DMD: variants seen among roughly 807,000 people sequenced by gnomAD.
DMD encodes the protein mutant dystrophin.
In DMD, 63 loss-of-function variants were observed where a neutral mutation model predicts 330.1. The observed-to-expected ratio is 0.19, with a 90% CI of 0.16 to 0.24. The LOEUF (loss-of-function observed/expected upper bound fraction) is 0.24. Among genes scored for constraint, DMD ranks in the 10% least tolerant of loss-of-function variants. DMD has a pLI of 1.00. For synonymous variants in DMD, 1,223 were observed against 959.8 expected (o/e 1.27, Z -5.07); for missense variants, 3,344 against 2,684.1 (o/e 1.25, Z -5.43).
chrX:32,964,255 C>CAAAAAAAAAAAAAAAAAAAAAAAAAA lies in DMD; in HGVS notation c.93+55883_93+55884insTTTTTTTTTTTTTTTTTTTTTTTTTT, dbSNP rs781702491. On this transcript the variant is annotated intron_variant, in intron 2 of 78. Coordinates refer to ENST00000357033, the MANE Select transcript of DMD (RefSeq NM_004006.3). ...CTGGTGACAGAGCAAGACTCCATCT[C>CAAAAAAAAAAAAAAAAAAAAAAAAAA]AAAAAAAAAAAAAAAAAAAATTCAC... Among the ~76,000 whole-genome samples, 9 of 35,190 alleles carry CAAAAAAAAAAAAAAAAAAAAAAAAAA rather than the reference C, an allele frequency of 2.6e-4. 1 individual carries two copies. Among genetic ancestry groups the CAAAAAAAAAAAAAAAAAAAAAAAAAA allele is most frequent in the African/African-American group, 8.0e-4 (7 of 8,793 alleles). The allele number at this position is 35,190 out of a possible 115,157, so 30.6% of individuals were successfully genotyped here. A position where few individuals can be genotyped will look rare whatever the true frequency, so the allele number is the denominator to read the frequency against.
chrX:31,570,238 A>G (rs1348423628), intron 55 of DMD, among the ~76,000 whole-genome samples: 1 of 111,588 alleles, frequency 9.0e-6, no homozygotes, highest in African/African-American at 3.2e-5. Flanking sequence ...TATTTTCCCT[A>G]TTAGAAGAAG....
intron 1 of DMD, among the ~76,000 whole-genome samples, chrX:33,241,614 G>A (rs1329768590): frequency 8.9e-6 from 1 of 112,382 alleles, no homozygotes; most frequent in Non-Finnish European, 1.9e-5. Context: ...AAAGCTTTGG[G>A]TAGTGTAGGA....
intron 59 of DMD, among the ~76,000 whole-genome samples, chrX:31,447,201 C>CT (rs201350644): frequency 2.6e-4 from 25 of 97,326 alleles, no homozygotes; most frequent in Middle Eastern, 5.8e-3. Flanking sequence ...CCCTTTTCCT[C>CT]TTTTTTTTTC....
chrX:33,041,409 C>T, intron 1 of DMD: 3 of 1,196,278 alleles, frequency 2.5e-6, no homozygotes, highest in Non-Finnish European at 3.4e-6. Context: ...CCGATCCTCG[C>T]GTGAGACAGA....
At chrX:31,226,257 C>A (rs1374120586) in intron 63 of DMD, among the ~76,000 whole-genome samples, 1 of 111,977 alleles carries the variant, frequency 8.9e-6, no homozygotes, top group South Asian at 3.8e-4. Flanking sequence ...TGTTAAACTT[C>A]AAGTATAAAT....
At chrX:32,737,715 G>A (rs953930973) in intron 7 of DMD, among the ~76,000 whole-genome samples, 4 of 111,676 alleles carry the variant, frequency 3.6e-5, no homozygotes, top group Middle Eastern at 4.6e-3. Context: ...GTATAGGCCA[G>A]GCCCACAGCT....
At chrX:31,821,353 G>A (rs1278089205) in intron 49 of DMD, among the ~76,000 whole-genome samples, 1 of 112,353 alleles carries the variant, frequency 8.9e-6, no homozygotes, top group African/African-American at 3.2e-5. Flanking sequence ...GATGCTGATT[G>A]TTCATGACAA....
At chrX:31,134,795 TAATG>T (rs1039590002) in intron 76 of DMD, among the ~76,000 whole-genome samples, 1 of 112,511 alleles carries the variant, frequency 8.9e-6, no homozygotes, top group African/African-American at 3.2e-5. Flanking sequence ...ATACATGAGA[TAATG>T]AATACTCTAA....
intron 61 of DMD, among the ~76,000 whole-genome samples, chrX:31,346,796 C>T (rs1045360836): frequency 9.2e-6 from 1 of 108,177 alleles, no homozygotes; most frequent in Non-Finnish European, 1.9e-5. Flanking sequence ...GTCAGGAGCT[C>T]GAGACCAGCC....
At chrX:32,667,767 G>GT (rs201162726) in intron 9 of DMD, among the ~76,000 whole-genome samples, 1,641 of 81,627 alleles carry the variant, frequency 0.02, 14 homozygotes, top group East Asian at 0.046. Context: ...CTGCTTTTGT[G>GT]TTTTTTTTTT....
At chrX:32,217,652 C>T (rs1418043985) in intron 43 of DMD, among the ~76,000 whole-genome samples, 1 of 109,711 alleles carries the variant, frequency 9.1e-6, no homozygotes, top group Non-Finnish European at 1.9e-5. Flanking sequence ...AATTTTCTCA[C>T]CACAGAGAAA....
At chrX:32,837,179 CAG>C (rs969055922) in intron 4 of DMD, among the ~76,000 whole-genome samples, 1 of 112,021 alleles carries the variant, frequency 8.9e-6, no homozygotes, top group African/African-American at 3.2e-5. Context: ...AGAAACAAAA[CAG>C]AACTAGATAC....
At chrX:31,487,572 C>G (rs1014695478) in intron 57 of DMD, among the ~76,000 whole-genome samples, 12 of 111,999 alleles carry the variant, frequency 1.1e-4, no homozygotes, top group African/African-American at 3.9e-4. Context: ...CAGCAGACCT[C>G]TAGAACTTTT....
At chrX:32,354,858 A>AATCT (rs2097793584) in intron 37 of DMD, among the ~76,000 whole-genome samples, 1 of 111,442 alleles carries the variant, frequency 9.0e-6, no homozygotes, top group Admixed American at 9.6e-5. Context: ...GTGGGTCAAG[A>AATCT]ATCTGCTTCC....
At chrX:31,538,419 T>C (rs1026049407) in intron 55 of DMD, among the ~76,000 whole-genome samples, 17 of 112,336 alleles carry the variant, frequency 1.5e-4, no homozygotes, top group Admixed American at 1.2e-3. Flanking sequence ...TCAAAGAAGA[T>C]AGAGATCAAA....
intron 50 of DMD, among the ~76,000 whole-genome samples, chrX:31,812,591 A>G (rs2092495515): frequency 9.0e-6 from 1 of 111,532 alleles, no homozygotes; most frequent in Non-Finnish European, 1.9e-5. Flanking sequence ...GCAAAAATAA[A>G]TAAATAAATA....
At chrX:31,262,854 T>G (rs1457266929) in intron 62 of DMD, among the ~76,000 whole-genome samples, 1 of 112,741 alleles carries the variant, frequency 8.9e-6, no homozygotes, top group Non-Finnish European at 1.9e-5. Context: ...GAAAAAGTGT[T>G]GCTTGTTCTC....
intron 52 of DMD, 50 bp from the exon 53 acceptor site, chrX:31,679,636 G>A (rs1344207400): frequency 3.8e-6 from 4 of 1,051,293 alleles, no homozygotes; most frequent in Admixed American, 2.2e-5. Flanking sequence ...TAGTCTGGAG[G>A]AGACATTTTA....
At chrX:31,910,005 C>T (rs762428813) in intron 47 of DMD, among the ~76,000 whole-genome samples, 7 of 112,142 alleles carry the variant, frequency 6.2e-5, no homozygotes, top group African/African-American at 1.6e-4. Flanking sequence ...AGAAGACTTG[C>T]GAAAGCAAAG....
Sources: allele counts gnomAD v4.1 joint callset (sites outside exome capture counted in the v4.1 genomes callset), GRCh38; gene constraint gnomAD v4.1.1; transcripts MANE v1.5; gene names NCBI Gene and HGNC (gene_info 2026-07-23, HGNC 2026-07-21).